The following COL4A3 variants were observed in gnomAD, a reference collection of about 807,000 sequenced individuals.
The protein encoded by COL4A3 is collagen type IV alpha 3 chain.
COL4A3 carries 135 observed loss-of-function variants against 217.4 expected under a neutral mutation model. That is an observed-to-expected ratio of 0.62 (90% confidence interval 0.54 to 0.72). The LOEUF (loss-of-function observed/expected upper bound fraction) is 0.72. Among genes scored for constraint, COL4A3 ranks in the 30% least tolerant of loss-of-function variants. The pLI, the probability that COL4A3 is intolerant of heterozygous loss-of-function variation, is 0.00. For synonymous variants in COL4A3, 690 were observed against 736.3 expected, an observed-to-expected ratio of 0.94 and a Z score of 1.02; for missense variants, 1,868 against 2,119.9, an observed-to-expected ratio of 0.88 and a Z score of 2.33.
Position 227,294,546 on chromosome 2 carries a change from C to T in COL4A3, c.3394C>T (p.Pro1132Ser), listed in dbSNP as rs781560058. 2.5e-6 allele frequency: 4 copies of T among 1,613,210 alleles called. No individual in the cohort carries two copies. The East Asian group carries it at 8.9e-5, about 36-fold the overall frequency. The change falls in exon 39 of 52, where the codon CCT becomes TCT. Residue 1132 changes from proline (P) to serine (S), a missense_variant. Around this residue, in one of 2 missense-constraint regions of COL4A3, gnomAD observed 1,503 missense variants for 1,786.1 expected, o/e 0.84. Coordinates refer to ENST00000396578, the MANE Select transcript of COL4A3 (RefSeq NM_000091.5). ...GFKGIKGLLGPPGIRGPPGLP... is the reference protein window; with the variant it reads ...GFKGIKGLLGSPGIRGPPGLP... ...TAAAGGAATCAAAGGCCTCCTGGGC[C>T]CTCCAGGAATCAGAGGCCCTCCAGG...
rs4271760 is a variant in COL4A3, at chr2:227,302,828, G to A, written c.3883-210G>A. On this transcript the variant is annotated intron_variant, in intron 43 of 51. Transcript: ENST00000396578. ...GCTGTTGGGCTTAAGGGAAGCTTTT[G>A]TTTTACTTTTAAAACGATAGTCCTA... Among the ~76,000 whole-genome samples the A allele has an allele frequency of 0.81, 123,062 of 151,932 alleles. 50,975 individuals carry two copies. The highest frequency in any genetic ancestry group is 0.91 in the Non-Finnish European group (61,699 of 67,990).
chr2:227,193,165 C>G (rs1478935329), intron 1 of COL4A3, among the ~76,000 whole-genome samples: 13 of 152,072 alleles, frequency 8.5e-5, no homozygotes. Context: ...ATTCCCAGTG[C>G]TCATAGAATA....
intron 28 of COL4A3, among the ~76,000 whole-genome samples, chr2:227,277,840 A>T (rs1034696000): frequency 3.0e-4 from 45 of 152,144 alleles, no homozygotes; most frequent in Non-Finnish European, 6.3e-4. Flanking sequence ...TCTCTATTAA[A>T]AATACAAACA....
chr2:227,188,056 A>G (rs2066095741), intron 1 of COL4A3, among the ~76,000 whole-genome samples: 1 of 152,158 alleles, frequency 6.6e-6, no homozygotes, highest in South Asian at 2.1e-4. Context: ...TATGAGGGCT[A>G]GAAGAACAAC....
At chr2:227,184,870 T>A (rs1014355464) in intron 1 of COL4A3, among the ~76,000 whole-genome samples, 5 of 150,468 alleles carry the variant, frequency 3.3e-5, no homozygotes, top group Admixed American at 2.0e-4. Flanking sequence ...GACCCCTCCT[T>A]TGCATGGCTG....
At chr2:227,205,586 A>G (rs1186649557) in intron 1 of COL4A3, among the ~76,000 whole-genome samples, 4 of 148,104 alleles carry the variant, frequency 2.7e-5, no homozygotes, top group Non-Finnish European at 4.5e-5. Flanking sequence ...TAAAATTATT[A>G]TTGATTAAAT....
chr2:227,256,213 C>T, intron 16 of COL4A3, 130 bp from the exon 17 acceptor site: 1 of 1,121,124 alleles, frequency 8.9e-7, no homozygotes, highest in Non-Finnish European at 1.4e-6. Flanking sequence ...CATAGTTTTA[C>T]ATCCCCACTG....
intron 3 of COL4A3, among the ~76,000 whole-genome samples, chr2:227,243,838 T>A (rs2125902996): frequency 6.6e-6 from 1 of 152,326 alleles, no homozygotes; most frequent in Non-Finnish European, 1.5e-5. Flanking sequence ...CAGGCACATT[T>A]TGTTAATAGA....
chr2:227,272,685 T>A (rs917943402), intron 25 of COL4A3, among the ~76,000 whole-genome samples: 3 of 152,242 alleles, frequency 2.0e-5, no homozygotes, highest in African/African-American at 7.2e-5. Context: ...GCTATTACCA[T>A]ATGGGAGACC....
rs749989473 is a variant in COL4A3, at chr2:227,251,173, G to A, written c.580G>A (p.Val194Ile). The A allele has an allele frequency of 6.2e-6, 10 of 1,613,888 alleles. No homozygotes were observed. In the Middle Eastern group the frequency reaches 5.0e-4, roughly 80 times the overall value. The change falls in exon 10 of 52, where the codon GTT (valine) becomes ATT (isoleucine). Residue 194 changes from valine (V) to isoleucine (I), a missense_variant. Transcript: ENST00000396578. The part of the protein sequence containing the change: ...LPGPPGFPGP[V>I]GPPGPPGFFG... ...AGGCCCTCCAGGTTTTCCTGGGCCT[G>A]TTGGCCCACCTGGTCCTCCGGGATT...
chr2:227,243,237 A>G (rs777800314), intron 3 of COL4A3, among the ~76,000 whole-genome samples: 1 of 152,226 alleles, frequency 6.6e-6, no homozygotes. Context: ...CCTGAGTACC[A>G]TGTTGTCATA....
chr2:227,305,478 G>A, intron 47 of COL4A3: 1 of 171,218 alleles, frequency 5.8e-6, no homozygotes, highest in South Asian at 1.4e-4. Context: ...GAGTAGAAGA[G>A]CAACTGAGTA....
chr2:227,224,461 A>G (rs1435662860), intron 1 of COL4A3, among the ~76,000 whole-genome samples: 1 of 152,250 alleles, frequency 6.6e-6, no homozygotes, highest in African/African-American at 2.4e-5. Context: ...ATTACTTAAA[A>G]TGAATGCTGC....
intron 9 of COL4A3, among the ~76,000 whole-genome samples, chr2:227,248,803 C>T (rs1034471811): frequency 6.6e-6 from 1 of 152,098 alleles, no homozygotes; most frequent in Non-Finnish European, 1.5e-5. Context: ...TTGCCTGAAT[C>T]TAACAGGAAT....
At chr2:227,301,803 AG>A (rs1309894365) in intron 43 of COL4A3, 1 of 152,224 alleles carries the variant, frequency 6.6e-6, no homozygotes, top group African/African-American at 2.4e-5. Flanking sequence ...CTTAGCCTCA[AG>A]AGAACAGGCA....
intron 19 of COL4A3, chr2:227,260,216 C>CA (rs1333407077): frequency 2.2e-6 from 1 of 445,888 alleles, no homozygotes; most frequent in Non-Finnish European, 4.3e-6. Flanking sequence ...AACAAACTCA[C>CA]ACAGAGATGT....
At chr2:227,211,726 C>T (rs888419523) in intron 1 of COL4A3, among the ~76,000 whole-genome samples, 15 of 152,096 alleles carry the variant, frequency 9.9e-5, no homozygotes, top group Admixed American at 3.3e-4. Flanking sequence ...GGTGCAATCT[C>T]GGCTCACTGC....
chr2:227,294,139 G>T (rs1394588463), intron 38 of COL4A3: 2 of 302,100 alleles, frequency 6.6e-6, no homozygotes, highest in Non-Finnish European at 1.3e-5. Context: ...AAACAACTGT[G>T]AAACTATCGG....
chr2:227,304,967 ATGT>A lies in COL4A3; in HGVS notation c.4154-15_4154-13del. 1 of 1,602,906 alleles carries A rather than the reference ATGT, an allele frequency of 6.2e-7. No homozygotes were observed. Among genetic ancestry groups the A allele is most frequent in the Non-Finnish European group, 8.5e-7 (1 of 1,170,618 alleles). Reference sequence around the variant, plus strand: ...ATCCTATATGATAAAATGCAATACAATGTTGGTTTTTGCCTAGGACCCTGTGGG... The same window carrying A: ...ATCCTATATGATAAAATGCAATACAATGGTTTTTGCCTAGGACCCTGTGGG... On this transcript the variant is annotated splice_polypyrimidine_tract_variant and intron_variant, in intron 46 of 51. Transcript: ENST00000396578.
Sources: gnomAD v4.1 joint callset for allele counts (sites outside exome capture counted in the v4.1 genomes callset) on GRCh38, gnomAD v4.1.1 for gene constraint, gnomAD v4.1.1 regional missense constraint, MANE v1.5 for transcripts, NCBI Gene and HGNC (gene_info 2026-07-23, HGNC 2026-07-21) for gene names.